Variants in TMEM183A observed in about 807,000 individuals in gnomAD.
The protein encoded by TMEM183A is chromosome 1 open reading frame 37.
Under a neutral mutation model 46.7 loss-of-function variants are expected in TMEM183A, and 21 were observed. The observed-to-expected ratio is 0.45, with a 90% CI of 0.32 to 0.65. The LOEUF (loss-of-function observed/expected upper bound fraction) is 0.65. TMEM183A is among the 30% of genes least tolerant of loss of function. The pLI is 0.04. For synonymous variants in TMEM183A, 165 were observed against 180.2 expected (o/e 0.92, Z 0.68); for missense variants, 331 against 481.9 (o/e 0.69, Z 2.93).
At chr1:203,020,396 T>G (rs1657552930) in intron 6 of TMEM183A, among the ~76,000 whole-genome samples, 1 of 149,598 alleles carries the variant, frequency 6.7e-6, no homozygotes, top group Non-Finnish European at 1.5e-5. Context: ...TTGTGATTCC[T>G]TTATTTTATG....
At chr1:203,022,538 A>G (rs1402205468) in intron 7 of TMEM183A, among the ~76,000 whole-genome samples, 1 of 151,980 alleles carries the variant, frequency 6.6e-6, no homozygotes. Context: ...CCCTGTCTCT[A>G]CTAAAAATAC....
chr1:203,019,562 T>C (rs1203119879), intron 6 of TMEM183A, among the ~76,000 whole-genome samples: 2 of 152,216 alleles, frequency 1.3e-5, no homozygotes, highest in Admixed American at 1.3e-4. Flanking sequence ...AAAAGATTAA[T>C]TGCAGTTACA....
chr1:203,015,831 G>A (rs762318983), intron 4 of TMEM183A, 129 bp from the exon 5 acceptor site: 38 of 1,187,366 alleles, frequency 3.2e-5, no homozygotes, highest in Non-Finnish European at 4.3e-5. Flanking sequence ...AGTAGCACTG[G>A]GGACAGGCTA....
rs571018950 is a variant in TMEM183A, at chr1:203,022,925, A to G, written c.1016A>G (p.His339Arg). 31 of 1,613,312 alleles carry G rather than the reference A, an allele frequency of 1.9e-5. No individual in the cohort carries two copies. In the East Asian group the frequency reaches 6.0e-4, roughly 31 times the overall value. Residue 339 changes from histidine to arginine, a missense_variant, in exon 8 of 8, where the codon CAT (histidine) becomes CGT (arginine). Transcript: ENST00000367242. The stretch of plus-strand genomic sequence containing the variant: ...CTGGTGTTCCAAGATTCCCCTGTCC[A>G]TGGTGGTCGGAAACTGCGCAGTGAA... ...VRLVFQDSPV[H>R]GGRKLRSEQG...
At chr1:203,022,687 A>G (rs796395381) in intron 7 of TMEM183A, among the ~76,000 whole-genome samples, 168 bp from the exon 8 acceptor site, 1 of 151,864 alleles carries the variant, frequency 6.6e-6, no homozygotes, top group African/African-American at 2.4e-5. Context: ...TGGGCAACAG[A>G]ACGAGGTCCT....
At chr1:203,016,257 G>T (rs1371970790) in intron 5 of TMEM183A, 117 bp downstream of exon 5, 3 of 1,451,382 alleles carry the variant, frequency 2.1e-6, no homozygotes, top group East Asian at 2.3e-5. Context: ...GCTGCTAGGG[G>T]ACTAATGTAA....
chr1:203,009,487 T>G (rs1656340749), intron 3 of TMEM183A, among the ~76,000 whole-genome samples: 1 of 152,182 alleles, frequency 6.6e-6, no homozygotes, highest in Non-Finnish European at 1.5e-5. Flanking sequence ...AATTTTTATT[T>G]ATTTATTTTT....
At position 203,022,963 on chromosome 1, in the gene TMEM183A, G is replaced by A; in HGVS notation, c.1054G>A (p.Val352Ile). 2 of 1,611,088 alleles carry A rather than the reference G, an allele frequency of 1.2e-6. No individual in the cohort carries two copies. The highest frequency in any genetic ancestry group is 4.5e-5 in the East Asian group (2 of 44,806). ...ACTGCGCAGTGAACAGGGTGTGCAA[G>A]TCATCCTGGACCCAGTGCACAGCGT... is the stretch of plus-strand genomic sequence containing the variant. ...RKLRSEQGVQ[V>I]ILDPVHSVRL... The change falls in exon 8 of 8, where the codon GTC becomes ATC. Residue 352 changes from valine (V) to isoleucine (I), a missense_variant. This residue lies in a region of TMEM183A where 233 missense variants were observed against 385.8 expected (regional missense o/e 0.60). Transcript: ENST00000367242.
rs1657123069 is a variant in TMEM183A at position 203,015,907 on chromosome 1, TAGAGCAGGAG to T, written c.528-49_528-40del. ...GACCAGGAGTCTTAGAAAACTGACC[TAGAGCAGGAG>T]AGACAGGTCACATATTGGTAGGAGT... On this transcript the variant is annotated intron_variant, in intron 4 of 7. Transcript: ENST00000367242. 8 of 1,583,526 alleles carry T rather than the reference TAGAGCAGGAG, an allele frequency of 5.1e-6. No homozygotes were observed. In the South Asian group the frequency reaches 8.2e-5, roughly 16 times the overall value.
chr1:203,022,253 G>A (rs1301042270), intron 7 of TMEM183A, among the ~76,000 whole-genome samples: 10 of 151,880 alleles, frequency 6.6e-5, no homozygotes, highest in Non-Finnish European at 1.5e-4. Flanking sequence ...TTGTATTTTT[G>A]GTAGAAATGG....
chr1:203,008,574 C>G (rs1656226120), intron 2 of TMEM183A, 69 bp from the exon 3 acceptor site: 4 of 1,313,562 alleles, frequency 3.0e-6, no homozygotes, highest in Non-Finnish European at 3.9e-6. Flanking sequence ...ATGCTGATAC[C>G]TTGGCTAAGT....
At chr1:203,009,434 C>T (rs1427527897) in intron 3 of TMEM183A, among the ~76,000 whole-genome samples, 13 of 152,138 alleles carry the variant, frequency 8.5e-5, no homozygotes, top group Admixed American at 7.9e-4. Context: ...TCTGGGTTTT[C>T]CTTCAGACTT....
At chr1:203,011,030 C>T (rs1329742593) in intron 3 of TMEM183A, among the ~76,000 whole-genome samples, 1 of 152,176 alleles carries the variant, frequency 6.6e-6, no homozygotes, top group East Asian at 1.9e-4. Context: ...ATCAGTATCT[C>T]ATTCTTTTTT....
chr1:203,014,465 C>T lies in TMEM183A; in HGVS notation c.368-424C>T, dbSNP rs577636451. 4.6e-5 allele frequency among the ~76,000 whole-genome samples: 7 copies of T among 152,036 alleles called. No individual in the cohort carries two copies. The South Asian group carries it at 1.0e-3, about 23-fold the overall frequency. ...TAAAAATACAAAAATTTGCTGGGTGCGGTGGAGTGTGCCTGTAGTCCTAGC... is the reference window on the plus strand; with the variant it reads ...TAAAAATACAAAAATTTGCTGGGTGTGGTGGAGTGTGCCTGTAGTCCTAGC... On this transcript the variant is annotated intron_variant, in intron 3 of 7. Transcript: ENST00000367242.
intron 1 of TMEM183A, 90 bp from the exon 2 acceptor site, chr1:203,007,684 G>GT: frequency 6.4e-7 from 1 of 1,573,566 alleles, no homozygotes; most frequent in Non-Finnish European, 8.6e-7. Flanking sequence ...GGGCGGCTCG[G>GT]TCCGGGGGCC....
At chr1:203,008,495 ATTTT>A in intron 2 of TMEM183A, 144 bp from the exon 3 acceptor site, 1 of 465,184 alleles carries the variant, frequency 2.1e-6, no homozygotes, top group African/African-American at 4.4e-5. Flanking sequence ...TAAAATCTTT[ATTTT>A]TTTTGGTGAC....
intron 7 of TMEM183A, 34 bp downstream of exon 7, chr1:203,020,982 CTTTTTT>C (rs71142585): frequency 1.8e-4 from 226 of 1,232,544 alleles, no homozygotes; most frequent in South Asian, 3.6e-4. Flanking sequence ...TTCTCAGCTC[CTTTTTT>C]TTTTTTTTTT....
chr1:203,016,898 G>A (rs1657215925), intron 5 of TMEM183A, among the ~76,000 whole-genome samples: 1 of 152,002 alleles, frequency 6.6e-6, no homozygotes, highest in Non-Finnish European at 1.5e-5. Flanking sequence ...TGGCAAACAA[G>A]GTTACTCTGT....
At chr1:203,022,738 A>T in intron 7 of TMEM183A, 117 bp from the exon 8 acceptor site, 18 of 1,207,000 alleles carry the variant, frequency 1.5e-5, no homozygotes, top group Non-Finnish European at 2.0e-5. Context: ...TTTATAATTT[A>T]GAGATTAATC....
Sources: gnomAD v4.1 joint callset for allele counts (sites outside exome capture counted in the v4.1 genomes callset) on GRCh38, gnomAD v4.1.1 for gene constraint, gnomAD v4.1.1 regional missense constraint, MANE v1.5 for transcripts, NCBI Gene and HGNC (gene_info 2026-07-23, HGNC 2026-07-21) for gene names.